Variants in COL25A1 observed in about 807,000 individuals in gnomAD.
COL25A1 encodes collagen alpha-1(XXV) chain.
Under a neutral mutation model 128.4 loss-of-function variants are expected in COL25A1, and 103 were observed. The ratio of observed to expected loss-of-function variants is 0.80; its 90% CI spans 0.68 to 0.94. The LOEUF is 0.94. Ranked by LOEUF, COL25A1 falls within the 40% of genes least tolerant of loss-of-function variation. The pLI, the probability that COL25A1 is intolerant of heterozygous loss-of-function variation, is 0.00. For missense variants in COL25A1, 745 were observed against 840.0 expected (o/e 0.89, Z 1.40); for synonymous variants, 279 against 277.2 (o/e 1.01, Z -0.06).
intron 3 of COL25A1, among the ~76,000 whole-genome samples, chr4:109,211,703 T>C (rs1777577831): frequency 6.6e-6 from 1 of 152,102 alleles, no homozygotes; most frequent in Non-Finnish European, 1.5e-5. Flanking sequence ...AGACATTCCG[T>C]TGCTGGAGAT....
intron 5 of COL25A1, among the ~76,000 whole-genome samples, chr4:109,013,339 G>A (rs2693384): frequency 0.51 from 76,879 of 151,084 alleles, 22,272 homozygotes; most frequent in African/African-American, 0.77. Flanking sequence ...CTCAGGGATT[G>A]TAAACGCACC....
At chr4:109,212,032 T>C (rs1470095158) in intron 3 of COL25A1, among the ~76,000 whole-genome samples, 1 of 152,110 alleles carries the variant, frequency 6.6e-6, no homozygotes, top group Non-Finnish European at 1.5e-5. Context: ...CAATATGTTA[T>C]TTTAATATTT....
intron 30 of COL25A1, 105 bp from the exon 31 acceptor site, chr4:108,841,826 T>C: frequency 2.1e-6 from 2 of 935,958 alleles, no homozygotes; most frequent in Non-Finnish European, 3.4e-6. Flanking sequence ...AAGCATCTTC[T>C]TGTTTGAGCT....
chr4:108,824,331 C>T, intron 34 of COL25A1, 104 bp from the exon 35 acceptor site: 2 of 774,252 alleles, frequency 2.6e-6, no homozygotes, highest in African/African-American at 1.8e-5. Flanking sequence ...TTAAATATAA[C>T]AAGAAATGGC....
intron 3 of COL25A1, among the ~76,000 whole-genome samples, chr4:109,196,421 ATG>A (rs1388473574): frequency 6.6e-6 from 1 of 152,102 alleles, no homozygotes; most frequent in African/African-American, 2.4e-5. Context: ...ATGTGTATAT[ATG>A]TATATATAAA....
At chr4:109,179,194 T>C (rs546066068) in intron 3 of COL25A1, among the ~76,000 whole-genome samples, 50 of 152,330 alleles carry the variant, frequency 3.3e-4, no homozygotes, top group African/African-American at 1.1e-3. Context: ...TGTTCCACTC[T>C]ATTAAATCAA....
intron 3 of COL25A1, among the ~76,000 whole-genome samples, chr4:109,122,994 G>C (rs1014174364): frequency 6.6e-6 from 1 of 152,044 alleles, no homozygotes; most frequent in Non-Finnish European, 1.5e-5. Flanking sequence ...CTAGTTATCT[G>C]CAGTTTGCTT....
In COL25A1 at chr4:108,821,634, G is replaced by A. The variant is rs867475438; in HGVS notation, c.1846-2305C>T. ...AAAAATGTCATATGAATGTTACTGT[G>A]CCAGGCTATAGGAATCATTTTTCAG... On this transcript the variant is annotated intron_variant, in intron 35 of 37. Coordinates refer to ENST00000399132, the MANE Select transcript of COL25A1 (RefSeq NM_198721.4). 1.1e-4 allele frequency among the ~76,000 whole-genome samples: 16 copies of A among 152,210 alleles called. No homozygotes were observed. The Middle Eastern group carries it at 0.02, about 194-fold the overall frequency.
rs376526759 is a variant in COL25A1 at position 109,274,407 on chromosome 4, T to A, written c.367+26176A>T. Reference sequence around the variant, plus strand: ...GCAGCTATTCTTTTTAGCTTTAGACTGGTTTACAGAAAGAGAAATGATTTC... The same window carrying A: ...GCAGCTATTCTTTTTAGCTTTAGACAGGTTTACAGAAAGAGAAATGATTTC... On this transcript the variant is annotated intron_variant, in intron 3 of 37. Coordinates refer to ENST00000399132, the MANE Select transcript of COL25A1 (RefSeq NM_198721.4). Among the ~76,000 whole-genome samples the A allele has an allele frequency of 1.6e-4, 25 of 152,274 alleles. No homozygotes were observed. In the South Asian group the frequency reaches 5.2e-3, roughly 32 times the overall value.
chr4:108,938,867 A>AT (rs1401843534), intron 10 of COL25A1, among the ~76,000 whole-genome samples: 1 of 152,168 alleles, frequency 6.6e-6, no homozygotes, highest in African/African-American at 2.4e-5. Flanking sequence ...AAAAAAAAAA[A>AT]ATCTTTTTCT....
At chr4:109,281,329 T>C (rs1723369890) in intron 3 of COL25A1, among the ~76,000 whole-genome samples, 1 of 152,038 alleles carries the variant, frequency 6.6e-6, no homozygotes, top group Non-Finnish European at 1.5e-5. Flanking sequence ...CTTAAAGTCA[T>C]TCTCCAAAAA....
intron 20 of COL25A1, among the ~76,000 whole-genome samples, chr4:108,867,507 A>C (rs2125804189): frequency 6.6e-6 from 1 of 152,336 alleles, no homozygotes; most frequent in South Asian, 2.1e-4. Context: ...TATGTGAAGA[A>C]ATTTCTTGAG....
chr4:109,081,701 T>G (rs1389562367), intron 3 of COL25A1, among the ~76,000 whole-genome samples: 2 of 151,852 alleles, frequency 1.3e-5, no homozygotes, highest in Non-Finnish European at 2.9e-5. Context: ...CTATTTTGTT[T>G]TTTCTTTTAT....
At chr4:109,270,035 A>G (rs1228984160) in intron 3 of COL25A1, among the ~76,000 whole-genome samples, 2 of 152,010 alleles carry the variant, frequency 1.3e-5, no homozygotes, top group African/African-American at 4.8e-5. Context: ...CATGCTAAAA[A>G]CTCTCAATAA....
intron 13 of COL25A1, among the ~76,000 whole-genome samples, chr4:108,902,590 T>C (rs904985075): frequency 6.6e-6 from 1 of 152,030 alleles, no homozygotes; most frequent in Non-Finnish European, 1.5e-5. Context: ...ATAGAGATGA[T>C]TTTTAAATAT....
At chr4:109,114,873 T>A (rs1168974199) in intron 3 of COL25A1, among the ~76,000 whole-genome samples, 2 of 151,866 alleles carry the variant, frequency 1.3e-5, no homozygotes, top group Admixed American at 6.6e-5. Flanking sequence ...AAAGAAGGAG[T>A]GGCTATCTAT....
chr4:108,897,642 A>G (rs1742299825), intron 15 of COL25A1, among the ~76,000 whole-genome samples: 1 of 152,232 alleles, frequency 6.6e-6, no homozygotes, highest in Non-Finnish European at 1.5e-5. Flanking sequence ...TATCTGGCAC[A>G]TCATAAGCTA....
intron 3 of COL25A1, among the ~76,000 whole-genome samples, chr4:109,077,162 T>C (rs996272563): frequency 8.5e-5 from 13 of 152,162 alleles, no homozygotes; most frequent in African/African-American, 3.1e-4. Flanking sequence ...GTGACCACCA[T>C]GGGCTAAATG....
intron 6 of COL25A1, among the ~76,000 whole-genome samples, chr4:109,006,680 T>G (rs1756040852): frequency 6.6e-6 from 1 of 152,198 alleles, no homozygotes. Flanking sequence ...TAATGTAAGA[T>G]TTAATTTTAT....
Sources: gnomAD v4.1 joint callset for allele counts (sites outside exome capture counted in the v4.1 genomes callset) on GRCh38, gnomAD v4.1.1 for gene constraint, MANE v1.5 for transcripts, NCBI Gene and HGNC (gene_info 2026-07-23, HGNC 2026-07-21) for gene names.